The following SHANK2 variants were observed in gnomAD, a reference collection of about 807,000 sequenced individuals.
SHANK2 encodes SH3 and multiple ankyrin repeat domains protein 2.
Under a neutral mutation model 133.7 loss-of-function variants are expected in SHANK2, and 43 were observed. That is an observed-to-expected ratio of 0.32 (90% CI 0.25 to 0.41). The LOEUF (loss-of-function observed/expected upper bound fraction) is 0.41, where lower values mean the gene tolerates loss of function less well. Ranked by LOEUF, SHANK2 falls within the 10% of genes least tolerant of loss-of-function variation. The pLI is 1.00. For synonymous variants in SHANK2, 1,017 were observed against 952.8 expected (o/e 1.07, Z -1.24); for missense variants, 1,994 against 2,235.8 (o/e 0.89, Z 2.18).
intron 17 of SHANK2, among the ~76,000 whole-genome samples, chr11:70,609,480 G>A (rs1295283644): frequency 3.9e-5 from 6 of 152,176 alleles, no homozygotes; most frequent in African/African-American, 1.4e-4. Flanking sequence ...CACACAGGGA[G>A]GCAAAAACAA....
At chr11:70,529,366 T>C (rs1395823153) in intron 17 of SHANK2, among the ~76,000 whole-genome samples, 1 of 152,200 alleles carries the variant, frequency 6.6e-6, no homozygotes, top group African/African-American at 2.4e-5. Context: ...CAGCTGGTAA[T>C]GGTGGCTGGT....
chr11:70,524,575 G>A (rs2059372721), intron 17 of SHANK2, among the ~76,000 whole-genome samples: 1 of 152,176 alleles, frequency 6.6e-6, no homozygotes, highest in South Asian at 2.1e-4. Flanking sequence ...CCGTCCTCAG[G>A]CTACCCCGAG....
At chr11:70,533,578 G>T (rs551072806) in intron 17 of SHANK2, among the ~76,000 whole-genome samples, 23 of 152,278 alleles carry the variant, frequency 1.5e-4, no homozygotes, top group Admixed American at 2.6e-4. Flanking sequence ...GCCATGCTGG[G>T]TGCCCCTCTG....
chr11:70,629,431 C>G (rs937191037), intron 17 of SHANK2, among the ~76,000 whole-genome samples: 2 of 152,176 alleles, frequency 1.3e-5, no homozygotes, highest in Admixed American at 6.5e-5. Flanking sequence ...CCTCCCGGGT[C>G]TCCAGGCCTG....
chr11:71,176,192 A>T (rs1953440861), intron 2 of SHANK2, among the ~76,000 whole-genome samples: 1 of 152,192 alleles, frequency 6.6e-6, no homozygotes, highest in Admixed American at 6.5e-5. Context: ...CCGCCCAACG[A>T]ATATTCAAAG....
chr11:70,751,021 T>C (rs1946740143), intron 14 of SHANK2, among the ~76,000 whole-genome samples: 2 of 151,876 alleles, frequency 1.3e-5, no homozygotes, highest in South Asian at 2.1e-4. Flanking sequence ...ATGCCAACTC[T>C]CAACGGAAAC....
intron 12 of SHANK2, among the ~76,000 whole-genome samples, chr11:70,816,435 C>A (rs1590716113): frequency 1.3e-5 from 2 of 151,898 alleles, no homozygotes; most frequent in East Asian, 3.9e-4. Flanking sequence ...GCTTTCCCCT[C>A]CACGGCAGGG....
intron 17 of SHANK2, among the ~76,000 whole-genome samples, chr11:70,616,219 G>T (rs1033022350): frequency 2.6e-5 from 4 of 152,154 alleles, no homozygotes; most frequent in African/African-American, 7.2e-5. Flanking sequence ...CCCCACGGCC[G>T]ACTGCTCCTT....
chr11:71,083,000 C>G (rs1337707569), intron 8 of SHANK2, among the ~76,000 whole-genome samples: 3 of 147,090 alleles, frequency 2.0e-5, no homozygotes, highest in African/African-American at 7.5e-5. Flanking sequence ...GGCTGGAGTA[C>G]AGTGGCATAA....
At chr11:70,832,103 A>G (rs2921333) in intron 11 of SHANK2, among the ~76,000 whole-genome samples, 99,879 of 152,166 alleles carry the variant, frequency 0.66, 33,239 homozygotes, top group South Asian at 0.81. Context: ...GAGAAGTCCC[A>G]TGAGCTCTCT....
intron 2 of SHANK2, among the ~76,000 whole-genome samples, chr11:71,183,810 G>A (rs1469668358): frequency 1.3e-5 from 2 of 152,094 alleles, no homozygotes; most frequent in Non-Finnish European, 2.9e-5. Context: ...AACCCCACCC[G>A]GTCTCATGGT....
intron 17 of SHANK2, among the ~76,000 whole-genome samples, chr11:70,618,942 C>T (rs1469714247): frequency 6.6e-6 from 1 of 152,176 alleles, no homozygotes; most frequent in Non-Finnish European, 1.5e-5. Flanking sequence ...CACAGGCTGA[C>T]CCGGCAGATG....
intron 2 of SHANK2, among the ~76,000 whole-genome samples, chr11:71,154,209 G>A (rs782189887): frequency 4.6e-5 from 7 of 152,170 alleles, no homozygotes; most frequent in Non-Finnish European, 1.0e-4. Context: ...CCCTGGTGCC[G>A]TTTACAGACA....
At chr11:71,245,984 C>T (rs780609993) in intron 1 of SHANK2, among the ~76,000 whole-genome samples, 6 of 151,992 alleles carry the variant, frequency 3.9e-5, no homozygotes, top group Admixed American at 1.3e-4. Context: ...GACATTTGTG[C>T]GGGGTGGCAG....
chr11:71,110,179 C>T, intron 5 of SHANK2, 130 bp from the exon 6 acceptor site: 2 of 673,550 alleles, frequency 3.0e-6, no homozygotes, highest in Middle Eastern at 3.4e-4. Context: ...TGGCTCACGC[C>T]TGTAATCCCA....
intron 2 of SHANK2, among the ~76,000 whole-genome samples, chr11:71,156,794 C>T (rs575289594): frequency 5.8e-4 from 89 of 152,318 alleles, no homozygotes; most frequent in Non-Finnish European, 1.1e-3. Flanking sequence ...TTCCCAAGTG[C>T]ACTTGCCCCA....
intron 17 of SHANK2, among the ~76,000 whole-genome samples, chr11:70,520,362 T>C (rs1039013572): frequency 6.6e-6 from 1 of 152,230 alleles, no homozygotes; most frequent in Non-Finnish European, 1.5e-5. Flanking sequence ...TCTTAGACTT[T>C]GTTTTGTTGA....
chr11:71,196,969 GC>G (rs1953916647), intron 2 of SHANK2, among the ~76,000 whole-genome samples: 2 of 131,090 alleles, frequency 1.5e-5, no homozygotes, highest in Admixed American at 1.7e-4. Context: ...CCGCACTTCA[GC>G]CTTGGTGACA....
intron 14 of SHANK2, among the ~76,000 whole-genome samples, chr11:70,775,685 G>C (rs1339758129): frequency 1.3e-5 from 2 of 152,154 alleles, no homozygotes; most frequent in Admixed American, 1.3e-4. Flanking sequence ...CCTGGCTGTG[G>C]ACAGGGGGCT....
Sources: gnomAD v4.1 joint callset for allele counts (sites outside exome capture counted in the v4.1 genomes callset) on GRCh38, gnomAD v4.1.1 for gene constraint, MANE v1.5 for transcripts, NCBI Gene and HGNC (gene_info 2026-07-23, HGNC 2026-07-21) for gene names.